Variants in BANF2 observed in about 807,000 individuals in gnomAD.
BANF2 encodes the protein BANF family member 2, also known as barrier-to-autointegration factor-like protein.
Under a neutral mutation model 8.0 loss-of-function variants are expected in BANF2, and 4 were observed. That is an observed-to-expected ratio of 0.50 (90% CI 0.25 to 1.14). The LOEUF (loss-of-function observed/expected upper bound fraction) is 1.14. Ranked by LOEUF, BANF2 falls within the 50% of genes most tolerant of loss-of-function variation. The probability of loss-of-function intolerance (pLI) is 0.16; values close to 1 mark genes in which losing one functional copy is unlikely to be tolerated. For missense variants in BANF2, 96 were observed against 107.5 expected (o/e 0.89, Z 0.47); for synonymous variants, 50 against 40.6 (o/e 1.23, Z -0.88).
intron 3 of BANF2, among the ~76,000 whole-genome samples, chr20:17,735,151 A>G (rs1439914461): frequency 1.3e-5 from 2 of 152,166 alleles, no homozygotes; most frequent in East Asian, 3.9e-4. Context: ...ATCCCATGCT[A>G]CAACAATTGC....
intron 1 of BANF2, among the ~76,000 whole-genome samples, chr20:17,714,292 G>A (rs1337022568): frequency 6.6e-6 from 1 of 151,898 alleles, no homozygotes; most frequent in Non-Finnish European, 1.5e-5. Context: ...CATCCATGAA[G>A]GGTGAACTAA....
At chr20:17,701,576 C>T (rs2037409724) in intron 1 of BANF2, among the ~76,000 whole-genome samples, 1 of 152,242 alleles carries the variant, frequency 6.6e-6, no homozygotes, top group African/African-American at 2.4e-5. Context: ...TTCTTGTGAT[C>T]AGCTGGGAGC....
intron 1 of BANF2, among the ~76,000 whole-genome samples, chr20:17,718,455 A>C (rs1002427834): frequency 1.3e-5 from 2 of 152,164 alleles, no homozygotes; most frequent in Non-Finnish European, 1.5e-5. Flanking sequence ...GATTACAGGC[A>C]TGAGCTACCG....
chr20:17,723,554 G>A (rs1334654399), intron 2 of BANF2, among the ~76,000 whole-genome samples: 6 of 152,236 alleles, frequency 3.9e-5, no homozygotes, highest in African/African-American at 1.2e-4. Context: ...GATTTACACT[G>A]AGTTTTGTGT....
At chr20:17,718,429 C>G (rs2037685607) in intron 1 of BANF2, among the ~76,000 whole-genome samples, 1 of 152,172 alleles carries the variant, frequency 6.6e-6, no homozygotes, top group Non-Finnish European at 1.5e-5. Flanking sequence ...CCTGCCTCAG[C>G]CTCCCGAAGC....
chr20:17,722,068 T>G (rs56385038), intron 1 of BANF2, among the ~76,000 whole-genome samples: 4,155 of 152,274 alleles, frequency 0.027, 188 homozygotes, highest in African/African-American at 0.092. Flanking sequence ...GGGGGTCCAA[T>G]GGCCCCCAGT....
At chr20:17,721,756 C>G (rs2037732887) in intron 1 of BANF2, among the ~76,000 whole-genome samples, 1 of 152,194 alleles carries the variant, frequency 6.6e-6, no homozygotes, top group Non-Finnish European at 1.5e-5. Flanking sequence ...CACACAGAGT[C>G]ATTGACTGAT....
rs528549873 is a variant in BANF2 at position 17,729,349 on chromosome 20, T to TG, written c.126+4201dup. Among the ~76,000 whole-genome samples, 1,218 of 152,256 alleles carry TG rather than the reference T, an allele frequency of 8.0e-3. 11 individuals carry two copies. Among genetic ancestry groups the TG allele is most frequent in the Middle Eastern group, 0.017 (5 of 294 alleles). The stretch of plus-strand genomic sequence containing the variant: ...GACCCTACTCACAGCCCACCTCCCC[T>TG]GGGAAGCCTTCTTTCTGCCACCCCA... On this transcript the variant is annotated intron_variant, in intron 3 of 3. Coordinates refer to ENST00000246090, the MANE Select transcript of BANF2 (RefSeq NM_178477.5).
At chr20:17,708,060 A>C (rs2037511601) in intron 1 of BANF2, among the ~76,000 whole-genome samples, 2 of 151,122 alleles carry the variant, frequency 1.3e-5, no homozygotes, top group Non-Finnish European at 1.5e-5. Flanking sequence ...AAAAAAAAAA[A>C]AAAAAAACCA....
intron 1 of BANF2, among the ~76,000 whole-genome samples, chr20:17,702,502 A>G (rs3736799): frequency 3.9e-5 from 6 of 152,336 alleles, no homozygotes; most frequent in East Asian, 3.9e-4. Context: ...GGGAGCCCCA[A>G]CTGGCAACTT....
At chr20:17,706,418 G>A (rs747465357) in intron 1 of BANF2, among the ~76,000 whole-genome samples, 3 of 152,148 alleles carry the variant, frequency 2.0e-5, no homozygotes, top group Non-Finnish European at 2.9e-5. Flanking sequence ...GAACTCACAG[G>A]TATGAGCTTA....
intron 3 of BANF2, among the ~76,000 whole-genome samples, chr20:17,730,210 C>T (rs1057399770): frequency 6.6e-6 from 1 of 152,212 alleles, no homozygotes; most frequent in African/African-American, 2.4e-5. Flanking sequence ...CTACAAAGTA[C>T]ACTATTTCAT....
chr20:17,734,006 A>G (rs2037939974), intron 3 of BANF2, among the ~76,000 whole-genome samples: 1 of 152,226 alleles, frequency 6.6e-6, no homozygotes, highest in Non-Finnish European at 1.5e-5. Flanking sequence ...TGTTGGTTCC[A>G]GGCTGGAGAG....
chr20:17,697,023 G>A (rs554293177), upstream of BANF2, among the ~76,000 whole-genome samples: 2 of 152,140 alleles, frequency 1.3e-5, no homozygotes, highest in South Asian at 4.2e-4. Flanking sequence ...GGAAACTAAG[G>A]CTCCCTGCAA....
intron 3 of BANF2, among the ~76,000 whole-genome samples, chr20:17,731,805 T>G (rs6080806): frequency 0.31 from 44,350 of 143,850 alleles, 6,993 homozygotes; most frequent in East Asian, 0.47. Context: ...GATGGCTCAC[T>G]CCTGTAATCC....
chr20:17,708,044 A>AG (rs2037509935), intron 1 of BANF2, among the ~76,000 whole-genome samples: 1 of 129,948 alleles, frequency 7.7e-6, no homozygotes, highest in African/African-American at 2.9e-5. Context: ...TCTACTAAAA[A>AG]TCAAAAAAAA....
At chr20:17,733,582 C>T (rs1272447992) in intron 3 of BANF2, among the ~76,000 whole-genome samples, 1 of 152,152 alleles carries the variant, frequency 6.6e-6, no homozygotes, top group Non-Finnish European at 1.5e-5. Flanking sequence ...CCTACGTCTA[C>T]TGGCTCAATT....
chr20:17,715,762 G>T (rs1334844783), intron 1 of BANF2, among the ~76,000 whole-genome samples: 1 of 152,182 alleles, frequency 6.6e-6, no homozygotes, highest in Non-Finnish European at 1.5e-5. Context: ...AGTATTAGGG[G>T]TCATCAGTTA....
chr20:17,696,232 T>C (rs1350461177), upstream of BANF2, among the ~76,000 whole-genome samples: 1 of 152,192 alleles, frequency 6.6e-6, no homozygotes, highest in Non-Finnish European at 1.5e-5. Flanking sequence ...CTTGAGCTCC[T>C]GGCCTCAAAT....
Sources: allele counts gnomAD v4.1 joint callset (sites outside exome capture counted in the v4.1 genomes callset), GRCh38; gene constraint gnomAD v4.1.1; transcripts MANE v1.5; gene names NCBI Gene and HGNC (gene_info 2026-07-23, HGNC 2026-07-21).